Variants in SLC44A5 observed in about 807,000 individuals in gnomAD.
SLC44A5 encodes the protein solute carrier family 44 member 5.
A neutral mutation model predicts 101.8 loss-of-function variants in SLC44A5; 57 were observed. That is an observed-to-expected ratio of 0.56 (90% CI 0.45 to 0.70). The LOEUF is 0.70. Among genes scored for constraint, SLC44A5 ranks in the 30% least tolerant of loss-of-function variants. The pLI is 0.00. For synonymous variants in SLC44A5, 281 were observed against 290.9 expected (o/e 0.97, Z 0.35); for missense variants, 737 against 853.1 (o/e 0.86, Z 1.70).
intron 1 of SLC44A5, among the ~76,000 whole-genome samples, chr1:75,574,592 C>T (rs774110367): frequency 5.9e-5 from 9 of 152,190 alleles, no homozygotes; most frequent in Non-Finnish European, 1.3e-4. Flanking sequence ...CAGCTCTCAG[C>T]GACCCACCTC....
chr1:75,273,901 A>T (rs1471347374), intron 6 of SLC44A5, among the ~76,000 whole-genome samples: 1 of 152,124 alleles, frequency 6.6e-6, no homozygotes, highest in Non-Finnish European at 1.5e-5. Flanking sequence ...AGAATGATAT[A>T]GGAGGAGCCC....
chr1:75,339,523 C>A, intron 4 of SLC44A5, 59 bp downstream of exon 4: 12 of 1,380,656 alleles, frequency 8.7e-6, no homozygotes, highest in Non-Finnish European at 1.2e-5. Flanking sequence ...CCTCCCCCAT[C>A]CCCCAAAGCT....
chr1:75,423,652 C>T (rs1664141866), intron 2 of SLC44A5, among the ~76,000 whole-genome samples: 2 of 152,174 alleles, frequency 1.3e-5, no homozygotes, highest in African/African-American at 4.8e-5. Context: ...ATTTGCCTTG[C>T]GTCTTTTGGA....
chr1:75,209,626 G>A (rs946520391), intron 23 of SLC44A5, among the ~76,000 whole-genome samples: 13 of 152,114 alleles, frequency 8.5e-5, no homozygotes, highest in Admixed American at 2.6e-4. Context: ...TTCTTTGTCC[G>A]GTTATTGAGA....
At chr1:75,282,062 C>T (rs1380286613) in intron 5 of SLC44A5, among the ~76,000 whole-genome samples, 2 of 152,204 alleles carry the variant, frequency 1.3e-5, no homozygotes, top group African/African-American at 4.8e-5. Context: ...GGAAAAGCCA[C>T]AGACACTCAA....
chr1:75,586,128 C>T (rs541913613), intron 1 of SLC44A5, among the ~76,000 whole-genome samples: 6 of 152,088 alleles, frequency 3.9e-5, no homozygotes, highest in Non-Finnish European at 7.4e-5. Flanking sequence ...GATTGTCCTG[C>T]CTAATATGGG....
chr1:75,356,787 C>T (rs949302429), intron 3 of SLC44A5, among the ~76,000 whole-genome samples: 16 of 152,152 alleles, frequency 1.1e-4, no homozygotes, highest in African/African-American at 3.6e-4. Context: ...TTTTATACTG[C>T]AGTTTTACTG....
At position 75,610,015 on chromosome 1, in the gene SLC44A5, G is replaced by C. The variant is rs970865992; in HGVS notation, c.-70+1025C>G. Among the ~76,000 whole-genome samples the C allele has an allele frequency of 2.2e-4, 33 of 151,896 alleles. 1 individual carries two copies. The highest frequency in any genetic ancestry group is 7.3e-4 in the African/African-American group (30 of 41,344). The stretch of plus-strand genomic sequence containing the variant: ...TACAGTCATCTGAAGGCTTGACTTG[G>C]TTGCAGGGTCTGTTCCCAAGATAGA... On this transcript the variant is annotated intron_variant, in intron 1 of 23. Transcript: ENST00000370859.
In SLC44A5 at chr1:75,241,475, C is replaced by T. The variant is rs533455186; in HGVS notation, c.532+526G>A. On this transcript the variant is annotated intron_variant, in intron 9 of 23. Transcript: ENST00000370859. ...ACTCAAGCAATCCTCCCACCTTGGC[C>T]TCCCAAAGTGCTGGGATTACAGGCA... Among the ~76,000 whole-genome samples the T allele has an allele frequency of 3.3e-5, 5 of 152,096 alleles. No homozygotes were observed. In the East Asian group the frequency reaches 9.7e-4, roughly 30 times the overall value.
At chr1:75,204,399 G>C (rs896776535) in intron 23 of SLC44A5, 1 of 152,030 alleles carries the variant, frequency 6.6e-6, no homozygotes, top group South Asian at 2.1e-4. Context: ...GTAGTAAATG[G>C]AGAATATTTT....
At chr1:75,594,581 T>C (rs1412456069) in intron 1 of SLC44A5, among the ~76,000 whole-genome samples, 3 of 152,048 alleles carry the variant, frequency 2.0e-5, no homozygotes, top group Non-Finnish European at 4.4e-5. Flanking sequence ...AAAATTATAA[T>C]GAAATCGTCA....
chr1:75,231,579 AC>A (rs1332576515), intron 12 of SLC44A5, among the ~76,000 whole-genome samples: 1 of 152,176 alleles, frequency 6.6e-6, no homozygotes, highest in Non-Finnish European at 1.5e-5. Flanking sequence ...TTCCTGAATA[AC>A]AATAATATCA....
At chr1:75,223,997 C>A (rs1270950701) in intron 13 of SLC44A5, among the ~76,000 whole-genome samples, 1 of 152,116 alleles carries the variant, frequency 6.6e-6, no homozygotes. Context: ...TAACTTCTGC[C>A]TTTATAAAAT....
At chr1:75,281,257 G>C (rs975006884) in intron 5 of SLC44A5, among the ~76,000 whole-genome samples, 8 of 152,150 alleles carry the variant, frequency 5.3e-5, no homozygotes. Context: ...TGGAACAAAA[G>C]TGACTCTTGC....
chr1:75,384,737 A>G (rs1392723991), intron 3 of SLC44A5, among the ~76,000 whole-genome samples: 2 of 134,036 alleles, frequency 1.5e-5, no homozygotes, highest in Admixed American at 7.7e-5. Context: ...TCTCCACCCC[A>G]AATCAACAGA....
chr1:75,703,345 T>C, the SLC44A5 span, among the ~76,000 whole-genome samples: 1 of 151,972 alleles, frequency 6.6e-6, no homozygotes, highest in East Asian at 1.9e-4. Flanking sequence ...AAAGGATGAG[T>C]TCATGTCCTT....
chr1:75,647,269 G>A, the SLC44A5 span, among the ~76,000 whole-genome samples: 3 of 152,210 alleles, frequency 2.0e-5, no homozygotes, highest in African/African-American at 7.2e-5. Context: ...GGGCCTGCAG[G>A]TACAAAGAAG....
chr1:75,219,569 T>C (rs1647033630), intron 15 of SLC44A5, among the ~76,000 whole-genome samples: 2 of 152,160 alleles, frequency 1.3e-5, no homozygotes, highest in South Asian at 4.1e-4. Flanking sequence ...TCTTGGCTTA[T>C]TGCTAAGGAG....
intron 1 of SLC44A5, among the ~76,000 whole-genome samples, chr1:75,565,566 G>A (rs1672745610): frequency 6.6e-6 from 1 of 152,172 alleles, no homozygotes; most frequent in African/African-American, 2.4e-5. Flanking sequence ...TCTTCTAAAT[G>A]GCCATAGCCA....
Sources: allele counts gnomAD v4.1 joint callset (sites outside exome capture counted in the v4.1 genomes callset), GRCh38; gene constraint gnomAD v4.1.1; transcripts MANE v1.5; gene names NCBI Gene and HGNC (gene_info 2026-07-23, HGNC 2026-07-21).